Variants in SP140L observed in about 807,000 individuals in gnomAD.
SP140L encodes SP140 like nuclear body protein, also known as nuclear body protein SP140-like protein.
A neutral mutation model predicts 84.3 loss-of-function variants in SP140L; 64 were observed. That is an observed-to-expected ratio of 0.76 (90% confidence interval 0.62 to 0.94). SP140L has a LOEUF of 0.94. Among genes scored for constraint, SP140L ranks in the 40% least tolerant of loss-of-function variants. The pLI is 0.00. For missense variants in SP140L, 628 were observed against 692.5 expected, an observed-to-expected ratio of 0.91 and a Z score of 1.05; for synonymous variants, 242 against 236.9, an observed-to-expected ratio of 1.02 and a Z score of -0.20.
chr2:230,377,709 A>T (rs60999628), intron 7 of SP140L, among the ~76,000 whole-genome samples: 72,915 of 152,004 alleles, frequency 0.48, 18,145 homozygotes, highest in South Asian at 0.66. Context: ...GTATTTTGAG[A>T]TTCTGCCAAA....
At chr2:230,389,469 A>T (rs1181827600) in intron 10 of SP140L, among the ~76,000 whole-genome samples, 1 of 152,138 alleles carries the variant, frequency 6.6e-6, no homozygotes, top group African/African-American at 2.4e-5. Context: ...TGTCTCCATT[A>T]GGTTATCTCA....
At chr2:230,380,324 C>T (rs1403969930) in intron 7 of SP140L, among the ~76,000 whole-genome samples, 2 of 152,144 alleles carry the variant, frequency 1.3e-5, no homozygotes, top group South Asian at 2.1e-4. Flanking sequence ...AAGGGAGCTA[C>T]AATTCAGGAT....
intron 2 of SP140L, among the ~76,000 whole-genome samples, chr2:230,338,926 A>T (rs2059953810): frequency 7.1e-6 from 1 of 141,046 alleles, no homozygotes; most frequent in South Asian, 2.3e-4. Flanking sequence ...TTTTGCATCA[A>T]TGTTCATCAA....
At chr2:230,328,877 T>C (rs754058346) in intron 2 of SP140L, 46 bp downstream of exon 2, 15 of 1,581,250 alleles carry the variant, frequency 9.5e-6, no homozygotes, top group Non-Finnish European at 1.3e-5. Flanking sequence ...TTCCTGATAA[T>C]GTGGAAAGCT....
intron 4 of SP140L, among the ~76,000 whole-genome samples, chr2:230,360,314 T>C (rs1219401734): frequency 6.6e-6 from 1 of 152,134 alleles, no homozygotes; most frequent in Non-Finnish European, 1.5e-5. Flanking sequence ...TGGTGAACGG[T>C]CTGGAATTGA....
At chr2:230,350,709 A>C (rs1007168053) in intron 2 of SP140L, among the ~76,000 whole-genome samples, 1 of 152,112 alleles carries the variant, frequency 6.6e-6, no homozygotes, top group African/African-American at 2.4e-5. Flanking sequence ...AGAGCATGGA[A>C]AAAAGAGAGG....
intron 2 of SP140L, among the ~76,000 whole-genome samples, chr2:230,337,006 G>A (rs2059900640): frequency 6.6e-6 from 1 of 152,086 alleles, no homozygotes; most frequent in African/African-American, 2.4e-5. Context: ...CTGAGACTAG[G>A]TAATTTATAA....
At chr2:230,343,225 GCT>G (rs1239271400) in intron 2 of SP140L, among the ~76,000 whole-genome samples, 3 of 147,332 alleles carry the variant, frequency 2.0e-5, no homozygotes, top group Non-Finnish European at 4.5e-5. Context: ...TCTTCCTGAT[GCT>G]GTCCCTCTCC....
chr2:230,373,577 C>G (rs111866220), intron 7 of SP140L, among the ~76,000 whole-genome samples: 7 of 152,058 alleles, frequency 4.6e-5, no homozygotes, highest in African/African-American at 9.7e-5. Flanking sequence ...AGACATATTC[C>G]TCAGAAAAAA....
chr2:230,342,354 C>T (rs750832523), intron 2 of SP140L, among the ~76,000 whole-genome samples: 25 of 152,340 alleles, frequency 1.6e-4, no homozygotes, highest in East Asian at 3.9e-4. Context: ...CTTCCGCTCG[C>T]GCACGGTGCG....
chr2:230,354,733 C>T (rs1336743002), intron 2 of SP140L, among the ~76,000 whole-genome samples: 3 of 135,212 alleles, frequency 2.2e-5, no homozygotes, highest in Non-Finnish European at 4.6e-5. Flanking sequence ...TATGATTGTG[C>T]TACTGCACTC....
chr2:230,349,304 T>C (rs796962844), intron 2 of SP140L, among the ~76,000 whole-genome samples: 32 of 152,334 alleles, frequency 2.1e-4, no homozygotes, highest in African/African-American at 7.5e-4. Context: ...AGTATAAATC[T>C]TCCAACTTTT....
In SP140L at chr2:230,393,195, A is replaced by G. The variant is rs141974038; in HGVS notation, c.1108-219A>G. On this transcript the variant is annotated intron_variant, in intron 12 of 18. Transcript: ENST00000415673. ...TCTTAGGACTTAGGAAAGAAGCACA[A>G]GAGAAGGGAAAATGGTCCTGAAAAT... Among the ~76,000 whole-genome samples, 511 of 152,326 alleles carry G rather than the reference A, an allele frequency of 3.4e-3. 3 individuals are homozygous for G. The highest frequency in any genetic ancestry group is 0.012 in the African/African-American group (480 of 41,564).
At position 230,386,377 on chromosome 2, in the gene SP140L, C is replaced by T. The variant is rs2061581862; in HGVS notation, c.784+1073C>T. ...TTGGTACTTATTGGATTGTTCCCAACCATTGGGACTTGAAGTGAAATTTTG... is the reference window on the plus strand; with the variant it reads ...TTGGTACTTATTGGATTGTTCCCAATCATTGGGACTTGAAGTGAAATTTTG... On this transcript the variant is annotated intron_variant, in intron 9 of 18. Coordinates refer to ENST00000415673, the MANE Select transcript of SP140L (RefSeq NM_138402.6). 2.0e-5 allele frequency among the ~76,000 whole-genome samples: 3 copies of T among 152,142 alleles called. No homozygotes were observed. The South Asian group carries it at 6.2e-4, about 31-fold the overall frequency.
chr2:230,338,123 A>G (rs553370673), intron 2 of SP140L, among the ~76,000 whole-genome samples: 339 of 120,584 alleles, frequency 2.8e-3, no homozygotes, highest in African/African-American at 9.7e-3. Flanking sequence ...CTTCCTACCC[A>G]TGAGCATGGA....
chr2:230,382,192 G>T (rs891290011), intron 7 of SP140L, among the ~76,000 whole-genome samples: 3 of 114,352 alleles, frequency 2.6e-5, no homozygotes, highest in African/African-American at 6.7e-5. Flanking sequence ...AAATGACTGA[G>T]AACAGGGGTA....
rs140569077 is a variant in SP140L at position 230,336,395 on chromosome 2, C to T, written c.107+7564C>T. Reference sequence around the variant, plus strand: ...CTAAGGGGTGGGTCCTTGAGCTAAACTATTTGGCCCCATTTGTTTTGCTTT... The same window carrying T: ...CTAAGGGGTGGGTCCTTGAGCTAAATTATTTGGCCCCATTTGTTTTGCTTT... On this transcript the variant is annotated intron_variant, in intron 2 of 18. Transcript: ENST00000415673. 7.4e-4 allele frequency among the ~76,000 whole-genome samples: 113 copies of T among 152,298 alleles called. 2 individuals carry two copies. The highest frequency in any genetic ancestry group is 2.4e-3 in the African/African-American group (99 of 41,560).
At chr2:230,341,405 CA>C (rs1250642577) in intron 2 of SP140L, among the ~76,000 whole-genome samples, 2 of 93,648 alleles carry the variant, frequency 2.1e-5, no homozygotes, top group Non-Finnish European at 3.9e-5. Context: ...AAATTTTTTT[CA>C]AAGTTTTCAA....
At chr2:230,327,881 A>T (rs1437746346) in intron 1 of SP140L, among the ~76,000 whole-genome samples, 1 of 152,158 alleles carries the variant, frequency 6.6e-6, no homozygotes, top group Non-Finnish European at 1.5e-5. Flanking sequence ...GATACAATTG[A>T]CCTTGATCCA....
Sources: allele counts gnomAD v4.1 joint callset (sites outside exome capture counted in the v4.1 genomes callset), GRCh38; gene constraint gnomAD v4.1.1; transcripts MANE v1.5; gene names NCBI Gene and HGNC (gene_info 2026-07-23, HGNC 2026-07-21).